The following SRGAP1 variants were observed in gnomAD, a reference collection of about 807,000 sequenced individuals.
SRGAP1 encodes the protein SLIT-ROBO Rho GTPase-activating protein 1.
A neutral mutation model predicts 121.9 loss-of-function variants in SRGAP1; 43 were observed. The observed-to-expected ratio is 0.35, with a 90% CI of 0.28 to 0.46. The LOEUF (loss-of-function observed/expected upper bound fraction) is 0.46. Among genes scored for constraint, SRGAP1 ranks in the 20% least tolerant of loss-of-function variants. The pLI, the probability that SRGAP1 is intolerant of heterozygous loss-of-function variation, is 1.00. For synonymous variants in SRGAP1, 447 were observed against 485.4 expected, an observed-to-expected ratio of 0.92 and a Z score of 1.04; for missense variants, 1,102 against 1,350.9, an observed-to-expected ratio of 0.82 and a Z score of 2.89.
rs542671694 is a variant in SRGAP1 at position 64,061,135 on chromosome 12, C to T, written c.802-1782C>T. Among the ~76,000 whole-genome samples the T allele has an allele frequency of 6.4e-4, 97 of 151,942 alleles. 1 individual carries two copies. The highest frequency in any genetic ancestry group is 2.3e-3 in the African/African-American group (95 of 41,458). On this transcript the variant is annotated intron_variant, in intron 6 of 21. Transcript: ENST00000355086. ...TATGCTTTTTTTCAAGTCATATTCT[C>T]TTAAAATGCAACATGAAAAAATACA...
intron 3 of SRGAP1, among the ~76,000 whole-genome samples, chr12:64,002,245 T>C (rs2033922810): frequency 1.3e-5 from 2 of 152,122 alleles, no homozygotes; most frequent in Non-Finnish European, 2.9e-5. Context: ...CACCAGACAA[T>C]CCCAAAATGG....
Position 63,915,764 on chromosome 12 carries a change from T to C in SRGAP1, c.68-68183T>C, listed in dbSNP as rs1357329893. ...TTTCAAACAGCATTTATTAGAAAGA[T>C]AAAGGAAAACCAAATGTGATTTGCC... On this transcript the variant is annotated intron_variant, in intron 1 of 21. Coordinates refer to ENST00000355086, the MANE Select transcript of SRGAP1 (RefSeq NM_020762.4). 2.0e-5 allele frequency among the ~76,000 whole-genome samples: 3 copies of C among 152,156 alleles called. No individual in the cohort carries two copies. In the East Asian group the frequency reaches 5.8e-4, roughly 29 times the overall value.
At chr12:63,871,655 G>T in intron 1 of SRGAP1, 3 of 605,928 alleles carry the variant, frequency 5.0e-6, no homozygotes, top group Non-Finnish European at 5.8e-6. Context: ...TTTGGCATAA[G>T]AATAGCGCTG....
chr12:63,930,921 G>A (rs1485835315), intron 1 of SRGAP1, among the ~76,000 whole-genome samples: 2 of 152,042 alleles, frequency 1.3e-5, no homozygotes, highest in African/African-American at 4.8e-5. Context: ...AACTAATTTT[G>A]TTTATCCTTG....
At chr12:63,887,858 TTCCTC>T (rs1414813856) in intron 1 of SRGAP1, 1 of 152,250 alleles carries the variant, frequency 6.6e-6, no homozygotes, top group East Asian at 1.9e-4. Flanking sequence ...CTTCAGAACT[TTCCTC>T]TTCTTGTTCC....
chr12:63,877,111 G>A (rs1159391550), intron 1 of SRGAP1, among the ~76,000 whole-genome samples: 1 of 152,142 alleles, frequency 6.6e-6, no homozygotes, highest in Non-Finnish European at 1.5e-5. Context: ...TGTAATCTTA[G>A]CTACTTGGGA....
chr12:64,131,762 A>G (rs1271592047), intron 21 of SRGAP1, among the ~76,000 whole-genome samples: 3 of 152,192 alleles, frequency 2.0e-5, no homozygotes, highest in Non-Finnish European at 4.4e-5. Context: ...TTATGGCTAG[A>G]TGTGTCAGAA....
chr12:64,007,672 C>T (rs1258368979), intron 3 of SRGAP1, among the ~76,000 whole-genome samples: 1 of 152,148 alleles, frequency 6.6e-6, no homozygotes, highest in East Asian at 1.9e-4. Flanking sequence ...TATCAGCATA[C>T]CTACTCTATA....
chr12:63,959,813 A>G (rs2032585764), intron 1 of SRGAP1, among the ~76,000 whole-genome samples: 1 of 152,202 alleles, frequency 6.6e-6, no homozygotes, highest in Non-Finnish European at 1.5e-5. Flanking sequence ...GTTCTTCACT[A>G]GCCTCCCTCA....
At chr12:63,888,459 T>G (rs1029435057) in intron 1 of SRGAP1, 1 of 152,210 alleles carries the variant, frequency 6.6e-6, no homozygotes, top group Admixed American at 6.5e-5. Flanking sequence ...CTTTCCCAAA[T>G]TGGTTTATTA....
At chr12:63,984,526 G>A (rs2033360660) in intron 2 of SRGAP1, among the ~76,000 whole-genome samples, 1 of 152,160 alleles carries the variant, frequency 6.6e-6, no homozygotes, top group Non-Finnish European at 1.5e-5. Context: ...ATGAAAGTAA[G>A]CAGTAAGAAT....
chr12:64,062,630 G>C (rs910733189), intron 6 of SRGAP1, among the ~76,000 whole-genome samples: 10 of 152,044 alleles, frequency 6.6e-5, no homozygotes, highest in Admixed American at 1.3e-4. Context: ...AATTCTTGTG[G>C]CTCAGCCTCC....
At chr12:63,946,150 G>T (rs1413509366) in intron 1 of SRGAP1, among the ~76,000 whole-genome samples, 3 of 152,164 alleles carry the variant, frequency 2.0e-5, no homozygotes, top group Admixed American at 6.5e-5. Flanking sequence ...TGAAATGGAG[G>T]TCTTTGTAAT....
At chr12:63,987,441 G>C (rs1024427447) in intron 2 of SRGAP1, among the ~76,000 whole-genome samples, 29 of 152,108 alleles carry the variant, frequency 1.9e-4, no homozygotes, top group Middle Eastern at 3.2e-3. Flanking sequence ...AGATACAAAG[G>C]GTCGGGTGCG....
At chr12:64,045,434 C>T (rs1464037940) in intron 6 of SRGAP1, among the ~76,000 whole-genome samples, 3 of 151,436 alleles carry the variant, frequency 2.0e-5, no homozygotes, top group Non-Finnish European at 2.9e-5. Context: ...TAAATCCAAA[C>T]CAATTTTTTT....
At chr12:64,139,909 G>A (rs1302000487) in intron 21 of SRGAP1, among the ~76,000 whole-genome samples, 1 of 151,580 alleles carries the variant, frequency 6.6e-6, no homozygotes, top group Admixed American at 6.6e-5. Flanking sequence ...ATCTTGAATT[G>A]ATTTTTGTAT....
chr12:64,055,413 A>G (rs2035321686), intron 6 of SRGAP1, among the ~76,000 whole-genome samples: 1 of 151,788 alleles, frequency 6.6e-6, no homozygotes, highest in Non-Finnish European at 1.5e-5. Flanking sequence ...AGTATCGTGA[A>G]AATGGCCATA....
intron 4 of SRGAP1, among the ~76,000 whole-genome samples, chr12:64,023,748 A>G (rs1474813880): frequency 6.6e-6 from 1 of 152,224 alleles, no homozygotes; most frequent in Admixed American, 6.5e-5. Flanking sequence ...GGAAATGAAG[A>G]TATATCCAGC....
At chr12:64,047,530 C>T (rs1048929455) in intron 6 of SRGAP1, among the ~76,000 whole-genome samples, 2 of 152,078 alleles carry the variant, frequency 1.3e-5, no homozygotes, top group African/African-American at 4.8e-5. Flanking sequence ...TTTTAATGCA[C>T]AGCATTTTGT....
Sources: gnomAD v4.1 joint callset for allele counts (sites outside exome capture counted in the v4.1 genomes callset) on GRCh38, gnomAD v4.1.1 for gene constraint, MANE v1.5 for transcripts, NCBI Gene and HGNC (gene_info 2026-07-23, HGNC 2026-07-21) for gene names.